The following SLC16A7 variants were observed in gnomAD, a reference collection of about 807,000 sequenced individuals.
The protein encoded by SLC16A7 is monocarboxylate transporter 2.
SLC16A7 carries 33 observed loss-of-function variants against 34.9 expected under a neutral mutation model. The ratio of observed to expected loss-of-function variants is 0.94; its 90% CI spans 0.72 to 1.26. SLC16A7 has a LOEUF of 1.26. SLC16A7 is among the 50% of genes most tolerant of loss of function. The pLI is 0.00. For synonymous variants in SLC16A7, 201 were observed against 206.6 expected (o/e 0.97, Z 0.23); for missense variants, 573 against 578.1 (o/e 0.99, Z 0.09).
intron 2 of SLC16A7, among the ~76,000 whole-genome samples, chr12:59,671,670 C>A (rs1869704425): frequency 7.1e-6 from 1 of 140,130 alleles, no homozygotes. Flanking sequence ...CTCTCTCTCT[C>A]TCTCTCTCTA....
chr12:59,751,449 A>G (rs1310716248), intron 3 of SLC16A7, among the ~76,000 whole-genome samples: 1 of 152,252 alleles, frequency 6.6e-6, no homozygotes, highest in Non-Finnish European at 1.5e-5. Context: ...CCAGGAGATT[A>G]TATCCTGCAC....
chr12:59,777,492 T>C lies in SLC16A7; in HGVS notation c.1181-1931T>C, dbSNP rs187333402. The stretch of plus-strand genomic sequence containing the variant: ...TGGTTTCTATTTCATATTTGTTTTT[T>C]TCAGACTGAACTTTCACTGCTCCTC... On this transcript the variant is annotated intron_variant, in intron 5 of 5. Coordinates refer to ENST00000547379, the MANE Select transcript of SLC16A7 (RefSeq NM_001270623.2). Among the ~76,000 whole-genome samples the C allele has an allele frequency of 3.5e-4, 53 of 152,250 alleles. 2 individuals carry two copies. Among genetic ancestry groups the C allele is most frequent in the Admixed American group, 3.2e-3 (49 of 15,258 alleles).
intron 3 of SLC16A7, among the ~76,000 whole-genome samples, chr12:59,756,693 T>C (rs935383364): frequency 1.4e-5 from 2 of 139,474 alleles, no homozygotes; most frequent in African/African-American, 5.8e-5. Flanking sequence ...TGGAAGACAG[T>C]GTGGCGATTC....
chr12:59,620,567 T>A (rs1168054121), intron 1 of SLC16A7, among the ~76,000 whole-genome samples: 2 of 151,910 alleles, frequency 1.3e-5, no homozygotes, highest in African/African-American at 4.8e-5. Context: ...CTGTTCTTGG[T>A]TTCGTGAAAA....
At chr12:59,750,106 A>G (rs576727268) in intron 3 of SLC16A7, among the ~76,000 whole-genome samples, 1 of 152,352 alleles carries the variant, frequency 6.6e-6, no homozygotes, top group African/African-American at 2.4e-5. Flanking sequence ...TTAAACCATA[A>G]AAACCCTAGG....
At chr12:59,745,970 G>C (rs1045883655) in intron 3 of SLC16A7, among the ~76,000 whole-genome samples, 1 of 152,130 alleles carries the variant, frequency 6.6e-6, no homozygotes, top group Non-Finnish European at 1.5e-5. Context: ...TTGAAGACAG[G>C]TCACATGATG....
Position 59,774,928 on chromosome 12 carries a change from T to C in SLC16A7, c.633T>C (p.Thr211=), listed in dbSNP as rs758824347. ...NQTTSKSKNK[T]GKTEDDSSPK... ...CCACTTCTAAGTCTAAAAATAAGAC[T>C]GGCAAAACAGAAGATGATTCAAGCC... Residue 211 remains threonine, a synonymous_variant, in exon 5 of 6, where the codon ACT becomes ACC. Coordinates refer to ENST00000547379, the MANE Select transcript of SLC16A7 (RefSeq NM_001270623.2). 10 of 1,613,780 alleles carry C rather than the reference T, an allele frequency of 6.2e-6. No homozygotes were observed. Among genetic ancestry groups the C allele is most frequent in the Non-Finnish European group, 8.5e-6 (10 of 1,179,936 alleles).
At chr12:59,675,081 T>A (rs1480658284) in intron 2 of SLC16A7, among the ~76,000 whole-genome samples, 3 of 152,234 alleles carry the variant, frequency 2.0e-5, no homozygotes, top group Non-Finnish European at 1.5e-5. Flanking sequence ...TCCAGCAGGC[T>A]AGTTTGTTTC....
chr12:59,707,317 A>C (rs1873700652), intron 3 of SLC16A7, among the ~76,000 whole-genome samples: 2 of 152,074 alleles, frequency 1.3e-5, no homozygotes, highest in South Asian at 4.1e-4. Flanking sequence ...AATATTCTCC[A>C]TTGAACAAAA....
intron 3 of SLC16A7, among the ~76,000 whole-genome samples, chr12:59,740,123 C>A (rs1316869741): frequency 2.7e-5 from 4 of 150,756 alleles, no homozygotes; most frequent in Admixed American, 6.6e-5. Context: ...CTTGCCCATG[C>A]CTATGTCCTG....
At chr12:59,732,453 T>G (rs569873570) in intron 3 of SLC16A7, among the ~76,000 whole-genome samples, 1 of 152,182 alleles carries the variant, frequency 6.6e-6, no homozygotes, top group Non-Finnish European at 1.5e-5. Context: ...TTTAGTACTA[T>G]GTCAGAAAAC....
intron 3 of SLC16A7, chr12:59,768,317 C>A: frequency 5.2e-6 from 2 of 386,004 alleles, no homozygotes; most frequent in Admixed American, 2.9e-5. Flanking sequence ...CTCAGGACTT[C>A]AGTGAAGTAA....
chr12:59,719,909 GGCATTTATCAGT>G (rs1875371642), intron 3 of SLC16A7: 1 of 523,240 alleles, frequency 1.9e-6, no homozygotes. Flanking sequence ...CTGGAAAGTT[GGCATTTATCAGT>G]GGTGGAACCT....
intron 3 of SLC16A7, among the ~76,000 whole-genome samples, chr12:59,713,891 A>C (rs1314568967): frequency 6.6e-6 from 1 of 152,194 alleles, no homozygotes; most frequent in Non-Finnish European, 1.5e-5. Context: ...CATTGGAAAA[A>C]CCACAGCGAG....
chr12:59,626,762 C>T (rs918142982), intron 1 of SLC16A7, among the ~76,000 whole-genome samples: 1 of 151,794 alleles, frequency 6.6e-6, no homozygotes, highest in Non-Finnish European at 1.5e-5. Context: ...GTCAGGCTCA[C>T]AGCAGATGAC....
intron 3 of SLC16A7, among the ~76,000 whole-genome samples, chr12:59,755,351 A>C: frequency 6.6e-6 from 1 of 152,192 alleles, no homozygotes; most frequent in East Asian, 1.9e-4. Flanking sequence ...TATACCTAGA[A>C]AACCCCATTG....
At chr12:59,760,221 A>C (rs1880860513) in intron 3 of SLC16A7, among the ~76,000 whole-genome samples, 1 of 152,058 alleles carries the variant, frequency 6.6e-6, no homozygotes, top group Non-Finnish European at 1.5e-5. Flanking sequence ...ATTCCCTCTA[A>C]AAATTATACC....
chr12:59,755,898 C>T (rs947176404), intron 3 of SLC16A7, among the ~76,000 whole-genome samples: 1 of 152,094 alleles, frequency 6.6e-6, no homozygotes, highest in African/African-American at 2.4e-5. Context: ...GGTACTGGTA[C>T]CAAAACAGAG....
chr12:59,749,762 C>A (rs1401404465), intron 3 of SLC16A7, among the ~76,000 whole-genome samples: 1 of 152,072 alleles, frequency 6.6e-6, no homozygotes, highest in Admixed American at 6.5e-5. Context: ...TAGAGCCAAT[C>A]AAAGAAATCA....
Sources: allele counts gnomAD v4.1 joint callset (sites outside exome capture counted in the v4.1 genomes callset), GRCh38; gene constraint gnomAD v4.1.1; transcripts MANE v1.5; gene names NCBI Gene and HGNC (gene_info 2026-07-23, HGNC 2026-07-21).